CTNNA3: variants seen among roughly 807,000 people sequenced by gnomAD.
CTNNA3 encodes catenin alpha 3.
A neutral mutation model predicts 95.7 loss-of-function variants in CTNNA3; 76 were observed. That is an observed-to-expected ratio of 0.79 (90% CI 0.66 to 0.96). The LOEUF is 0.96. Among genes scored for constraint, CTNNA3 ranks in the 40% least tolerant of loss-of-function variants. The probability of loss-of-function intolerance (pLI) is 0.00; values close to 1 mark genes in which losing one functional copy is unlikely to be tolerated. For missense variants in CTNNA3, 1,191 were observed against 1,089.8 expected (o/e 1.09, Z -1.31); for synonymous variants, 431 against 374.4 (o/e 1.15, Z -1.74).
chr10:67,222,607 G>T (rs1052909598), intron 5 of CTNNA3, among the ~76,000 whole-genome samples: 1 of 152,162 alleles, frequency 6.6e-6, no homozygotes, highest in African/African-American at 2.4e-5. Flanking sequence ...CCACAACGTT[G>T]TACAAGCTCT....
chr10:66,451,784 C>T (rs1284311238), intron 11 of CTNNA3, among the ~76,000 whole-genome samples: 3 of 152,074 alleles, frequency 2.0e-5, no homozygotes, highest in Admixed American at 2.0e-4. Flanking sequence ...GGCTGCTAGC[C>T]AATCCAAAAA....
chr10:65,951,307 G>A (rs1222901222), intron 17 of CTNNA3, among the ~76,000 whole-genome samples: 1 of 152,116 alleles, frequency 6.6e-6, no homozygotes, highest in African/African-American at 2.4e-5. Flanking sequence ...TTCTGATTTG[G>A]AAGGAACCAC....
chr10:66,529,451 T>G (rs28662187), intron 10 of CTNNA3, among the ~76,000 whole-genome samples: 1 of 133,094 alleles, frequency 7.5e-6, no homozygotes, highest in Non-Finnish European at 1.6e-5. Flanking sequence ...TTTTTTTTTG[T>G]TTTTTTTTTT....
chr10:67,483,828 AC>A (rs376678865), intron 5 of CTNNA3, among the ~76,000 whole-genome samples: 53 of 152,098 alleles, frequency 3.5e-4, no homozygotes, highest in African/African-American at 1.2e-3. Context: ...ATCAGAGACA[AC>A]ACAAACAAAT....
intron 1 of CTNNA3, among the ~76,000 whole-genome samples, chr10:67,663,286 G>A (rs1388134861): frequency 6.6e-6 from 1 of 151,630 alleles, no homozygotes; most frequent in African/African-American, 2.4e-5. Context: ...AGAGCTTTCA[G>A]TATTTGTTTT....
intron 14 of CTNNA3, among the ~76,000 whole-genome samples, chr10:66,090,738 C>G (rs2133691594): frequency 6.6e-6 from 1 of 152,088 alleles, no homozygotes; most frequent in African/African-American, 2.4e-5. Context: ...TGACTTTACA[C>G]TCAAGGAAAT....
At chr10:67,594,964 G>A (rs1842895174) in intron 3 of CTNNA3, among the ~76,000 whole-genome samples, 2 of 148,214 alleles carry the variant, frequency 1.3e-5, no homozygotes, top group Admixed American at 1.3e-4. Flanking sequence ...TCCCACTTGT[G>A]AGTGAGAACA....
At chr10:67,645,722 A>G (rs1839684096) in intron 2 of CTNNA3, among the ~76,000 whole-genome samples, 1 of 152,022 alleles carries the variant, frequency 6.6e-6, no homozygotes, top group South Asian at 2.1e-4. Context: ...CAATATTTAT[A>G]ATAGGAAAAA....
At chr10:66,319,303 G>C (rs949382808) in intron 12 of CTNNA3, among the ~76,000 whole-genome samples, 1 of 152,012 alleles carries the variant, frequency 6.6e-6, no homozygotes, top group African/African-American at 2.4e-5. Context: ...GCTACTTACT[G>C]ATTCAATATT....
chr10:66,351,614 T>C (rs548101979), intron 12 of CTNNA3, among the ~76,000 whole-genome samples: 3 of 152,102 alleles, frequency 2.0e-5, no homozygotes, highest in Admixed American at 6.5e-5. Context: ...TGCAAGTAGA[T>C]GGTTAAAAAC....
chr10:66,318,282 G>A (rs750764844), intron 12 of CTNNA3, among the ~76,000 whole-genome samples: 8,025 of 144,812 alleles, frequency 0.055, 274 homozygotes, highest in Middle Eastern at 0.084. Flanking sequence ...ATATATGTGT[G>A]TGTGTGTGTG....
chr10:66,772,243 G>A (rs1200151952), intron 8 of CTNNA3, among the ~76,000 whole-genome samples: 9 of 151,968 alleles, frequency 5.9e-5, no homozygotes, highest in East Asian at 1.9e-4. Context: ...GGCCAACATG[G>A]TGAAACCCTG....
At chr10:66,342,657 G>T (rs936137419) in intron 12 of CTNNA3, among the ~76,000 whole-genome samples, 2 of 151,972 alleles carry the variant, frequency 1.3e-5, no homozygotes, top group African/African-American at 4.8e-5. Flanking sequence ...TGTAAGGAAA[G>T]AAATTAGTTT....
chr10:66,229,298 C>T (rs1474719339), intron 13 of CTNNA3, among the ~76,000 whole-genome samples: 1 of 152,136 alleles, frequency 6.6e-6, no homozygotes, highest in Non-Finnish European at 1.5e-5. Flanking sequence ...CTTACTTGTG[C>T]ATCTGCTGTA....
intron 12 of CTNNA3, among the ~76,000 whole-genome samples, chr10:66,283,819 G>A (rs1045652361): frequency 2.0e-4 from 30 of 151,716 alleles, no homozygotes; most frequent in African/African-American, 6.5e-4. Flanking sequence ...ATCAAACTAG[G>A]AGTAAATTTT....
rs139105272 is a variant in CTNNA3 at position 67,606,994 on chromosome 10, G to A, written c.155C>T (p.Ser52Leu). The change falls in exon 3 of 18, where the codon TCG becomes TTG. Residue 52 changes from serine to leucine, a missense_variant. Transcript: ENST00000433211. ...QNPSSRKKGR[S>L]KRASVLLASV... ...AGCTAGAAGGACACTGGCTCTTTTCGAACGTCCTTTTTTCCTGCTGGAAGG... is the reference window on the plus strand; with the variant it reads ...AGCTAGAAGGACACTGGCTCTTTTCAAACGTCCTTTTTTCCTGCTGGAAGG... The A allele has an allele frequency of 2.2e-4, 356 of 1,613,982 alleles. 1 individual carries two copies. Among genetic ancestry groups the A allele is most frequent in the Non-Finnish European group, 2.7e-4 (320 of 1,179,924 alleles).
chr10:66,744,880 T>C (rs973143714), intron 9 of CTNNA3, among the ~76,000 whole-genome samples: 2 of 152,176 alleles, frequency 1.3e-5, no homozygotes, highest in Non-Finnish European at 2.9e-5. Context: ...GAGGAATAAA[T>C]TGTAATAAAA....
At chr10:66,170,593 G>T (rs12765551) in intron 13 of CTNNA3, among the ~76,000 whole-genome samples, 11,187 of 151,832 alleles carry the variant, frequency 0.074, 513 homozygotes, top group Admixed American at 0.12. Flanking sequence ...ATACACAATA[G>T]GCAAAGAAAT....
At chr10:67,726,240 T>C (rs1325029229) in intron 1 of CTNNA3, among the ~76,000 whole-genome samples, 42 of 92,740 alleles carry the variant, frequency 4.5e-4, no homozygotes, top group African/African-American at 1.9e-3. Context: ...TTATATATTA[T>C]ATATTATATA....
Sources: allele counts gnomAD v4.1 joint callset (sites outside exome capture counted in the v4.1 genomes callset), GRCh38; gene constraint gnomAD v4.1.1; transcripts MANE v1.5; gene names NCBI Gene and HGNC (gene_info 2026-07-23, HGNC 2026-07-21).